Variants in RAP1A observed in about 807,000 individuals in gnomAD.
RAP1A encodes the protein RAP1A, member of RAS oncogene family.
Under a neutral mutation model 26.4 loss-of-function variants are expected in RAP1A, and 6 were observed. That is an observed-to-expected ratio of 0.23 (90% CI 0.12 to 0.45). The LOEUF is 0.45. Among genes scored for constraint, RAP1A ranks in the 20% least tolerant of loss-of-function variants. The pLI is 0.99. For missense variants in RAP1A, 121 were observed against 217.2 expected (o/e 0.56, Z 2.78); for synonymous variants, 73 against 79.4 (o/e 0.92, Z 0.43).
At chr1:111,542,256 T>A in exon 1 of RAP1A, 1 of 610,016 alleles carries the variant, frequency 1.6e-6, no homozygotes, top group Non-Finnish European at 3.0e-6. Flanking sequence ...CGGCACATAT[T>A]GAGGCCGTAT....
chr1:111,632,635 A>G (rs988904684), intron 1 of RAP1A, among the ~76,000 whole-genome samples: 1 of 152,126 alleles, frequency 6.6e-6, no homozygotes, highest in African/African-American at 2.4e-5. Flanking sequence ...GCCTACGGCC[A>G]GGTGTGGTGG....
At chr1:111,615,829 C>CAAA (rs34751097), upstream of RAP1A, among the ~76,000 whole-genome samples, 15 of 86,208 alleles carry the variant, frequency 1.7e-4, no homozygotes, top group African/African-American at 2.1e-4. Flanking sequence ...GACTCTGTCT[C>CAAA]AAAAAAAAAA....
At chr1:111,544,159 A>G (rs1656952382) in intron 1 of RAP1A, among the ~76,000 whole-genome samples, 1 of 152,188 alleles carries the variant, frequency 6.6e-6, no homozygotes, top group South Asian at 2.1e-4. Context: ...ATTATTCTCT[A>G]AATTTACGCA....
chr1:111,655,213 T>C (rs1660409629), intron 1 of RAP1A, among the ~76,000 whole-genome samples: 1 of 133,814 alleles, frequency 7.5e-6, no homozygotes, highest in African/African-American at 2.9e-5. Context: ...ATGGGAAACA[T>C]AGATTTAATG....
At chr1:111,603,635 T>G (rs1658713142) in intron 1 of RAP1A, among the ~76,000 whole-genome samples, 1 of 152,204 alleles carries the variant, frequency 6.6e-6, no homozygotes, top group Admixed American at 6.5e-5. Flanking sequence ...TTCTCTCCCT[T>G]CCCAAGTTCG....
At chr1:111,645,124 A>G (rs918860040) in intron 1 of RAP1A, among the ~76,000 whole-genome samples, 3 of 147,444 alleles carry the variant, frequency 2.0e-5, no homozygotes, top group African/African-American at 7.6e-5. Context: ...AGGGATAAAA[A>G]TAATTTGCAA....
At chr1:111,622,026 C>T (rs1021650410) in intron 1 of RAP1A, among the ~76,000 whole-genome samples, 40 of 152,080 alleles carry the variant, frequency 2.6e-4, no homozygotes, top group African/African-American at 1.9e-4. Context: ...TGCACATGTT[C>T]ATTTAATTAT....
At chr1:111,646,156 A>G (rs1269931558) in intron 1 of RAP1A, among the ~76,000 whole-genome samples, 1 of 152,226 alleles carries the variant, frequency 6.6e-6, no homozygotes, top group African/African-American at 2.4e-5. Flanking sequence ...ACAAGTAAAC[A>G]TCTTTTCCTT....
rs1051649645 is a variant in RAP1A at position 111,705,473 on chromosome 1, C to A, written c.468+987C>A. Among the ~76,000 whole-genome samples the A allele has an allele frequency of 2.0e-5, 3 of 152,206 alleles. No individual in the cohort carries two copies. In the East Asian group the frequency reaches 5.8e-4, roughly 29 times the overall value. ...AAAAATGACCAGGTTACTTTAAACA[C>A]CTGGCAGGTAAAAAAAAATTAAGCT... On this transcript the variant is annotated intron_variant, in intron 6 of 7. Transcript: ENST00000369709.
chr1:111,659,563 A>G (rs570697603), intron 1 of RAP1A, among the ~76,000 whole-genome samples: 3 of 151,144 alleles, frequency 2.0e-5, no homozygotes, highest in South Asian at 4.2e-4. Flanking sequence ...GTACATGTGC[A>G]CATTGTGCAG....
intron 1 of RAP1A, among the ~76,000 whole-genome samples, chr1:111,627,268 TA>T (rs1279636438): frequency 4.6e-5 from 7 of 152,202 alleles, no homozygotes; most frequent in Admixed American, 6.5e-5. Context: ...ATTTTTTATT[TA>T]TTTTTTTTAC....
At chr1:111,689,468 C>T (rs574657855) in intron 1 of RAP1A, among the ~76,000 whole-genome samples, 2 of 151,950 alleles carry the variant, frequency 1.3e-5, no homozygotes, top group Admixed American at 6.6e-5. Context: ...TTGTTAATAC[C>T]CTCCAGTGAT....
chr1:111,641,400 A>G (rs188164828), intron 1 of RAP1A, among the ~76,000 whole-genome samples: 1 of 152,322 alleles, frequency 6.6e-6, no homozygotes, highest in East Asian at 1.9e-4. Context: ...GCTATACATT[A>G]GATTTAACTG....
intron 1 of RAP1A, among the ~76,000 whole-genome samples, chr1:111,650,177 T>C (rs1660221049): frequency 6.7e-6 from 1 of 148,354 alleles, no homozygotes; most frequent in South Asian, 2.1e-4. Flanking sequence ...GTAGGACAGA[T>C]AGTGTCACTC....
At chr1:111,647,153 T>C (rs1286059509) in intron 1 of RAP1A, among the ~76,000 whole-genome samples, 3 of 152,124 alleles carry the variant, frequency 2.0e-5, no homozygotes, top group Non-Finnish European at 4.4e-5. Flanking sequence ...CCGCCTCTTA[T>C]CAGATCACTA....
At chr1:111,695,270 T>G (rs1661792748) in intron 2 of RAP1A, 71 bp from the exon 3 acceptor site, 1 of 1,113,440 alleles carries the variant, frequency 9.0e-7, no homozygotes, top group African/African-American at 1.7e-5. Flanking sequence ...ATCATTATAA[T>G]TTGTAGGTTA....
chr1:111,687,914 G>A (rs1661536527), intron 1 of RAP1A, among the ~76,000 whole-genome samples: 1 of 151,748 alleles, frequency 6.6e-6, no homozygotes, highest in Non-Finnish European at 1.5e-5. Flanking sequence ...CTGCTCAGGA[G>A]GCTGAGGTGG....
At chr1:111,649,062 G>A (rs1660173242) in intron 1 of RAP1A, 3 of 615,030 alleles carry the variant, frequency 4.9e-6, no homozygotes, top group Admixed American at 1.8e-5. Flanking sequence ...CTGGCACATG[G>A]CCAGCTCTGT....
At chr1:111,648,353 G>A (rs1380788499) in intron 1 of RAP1A, 2 of 681,594 alleles carry the variant, frequency 2.9e-6, no homozygotes, top group African/African-American at 1.8e-5. Flanking sequence ...CTGGTGGATG[G>A]TCGTCTTTTG....
Sources: gnomAD v4.1 joint callset for allele counts (sites outside exome capture counted in the v4.1 genomes callset) on GRCh38, gnomAD v4.1.1 for gene constraint, MANE v1.5 for transcripts, NCBI Gene and HGNC (gene_info 2026-07-23, HGNC 2026-07-21) for gene names.